Variants in CAB39L observed in about 807,000 individuals in gnomAD.
CAB39L encodes calcium-binding protein 39-like.
Under a neutral mutation model 39.1 loss-of-function variants are expected in CAB39L, and 23 were observed. That is an observed-to-expected ratio of 0.59 (90% CI 0.42 to 0.83). The LOEUF is 0.83. Ranked by LOEUF, CAB39L falls within the 40% of genes least tolerant of loss-of-function variation. CAB39L has a pLI of 0.00. For synonymous variants in CAB39L, 126 were observed against 137.2 expected (o/e 0.92, Z 0.57); for missense variants, 366 against 391.9 (o/e 0.93, Z 0.56).
intron 5 of CAB39L, among the ~76,000 whole-genome samples, chr13:49,366,217 T>C (rs1455170115): frequency 2.6e-5 from 4 of 151,656 alleles, no homozygotes; most frequent in Admixed American, 2.0e-4. Context: ...CAAAAAACAA[T>C]AGAAACAATG....
intron 5 of CAB39L, among the ~76,000 whole-genome samples, chr13:49,364,990 C>A (rs1955735645): frequency 6.6e-6 from 1 of 152,046 alleles, no homozygotes; most frequent in South Asian, 2.1e-4. Context: ...ATAGCCAAAA[C>A]CATCATGAGC....
intron 10 of CAB39L, among the ~76,000 whole-genome samples, chr13:49,320,303 C>T (rs1954305098): frequency 6.6e-6 from 1 of 152,176 alleles, no homozygotes. Context: ...AAACCACCCC[C>T]AAACAAATGA....
At chr13:49,331,835 G>T in intron 10 of CAB39L, 112 bp downstream of exon 10, 1 of 956,652 alleles carries the variant, frequency 1.0e-6, no homozygotes, top group Non-Finnish European at 1.6e-6. Context: ...CACAAAGACT[G>T]CCTATTTCAT....
intron 3 of CAB39L, among the ~76,000 whole-genome samples, chr13:49,412,290 C>T (rs955536608): frequency 6.6e-6 from 1 of 151,364 alleles, no homozygotes; most frequent in African/African-American, 2.4e-5. Context: ...GTTAATTCTC[C>T]TTGGAAAAAA....
intron 9 of CAB39L, among the ~76,000 whole-genome samples, chr13:49,336,444 C>T (rs546953415): frequency 6.6e-6 from 1 of 152,096 alleles, no homozygotes; most frequent in Middle Eastern, 3.2e-3. Context: ...GAATAGCAGC[C>T]AAATGGTATG....
At chr13:49,408,783 A>T (rs1022412972) in intron 3 of CAB39L, among the ~76,000 whole-genome samples, 1 of 151,954 alleles carries the variant, frequency 6.6e-6, no homozygotes, top group African/African-American at 2.4e-5. Flanking sequence ...GTGAGCTGAG[A>T]TTGCACCACC....
At chr13:49,399,962 T>TA (rs1342272162) in intron 3 of CAB39L, among the ~76,000 whole-genome samples, 7 of 149,076 alleles carry the variant, frequency 4.7e-5, no homozygotes, top group Non-Finnish European at 9.0e-5. Context: ...GTCAACAGTC[T>TA]AAAAAAAAAA....
intron 10 of CAB39L, among the ~76,000 whole-genome samples, chr13:49,331,096 T>C (rs766390560): frequency 6.6e-6 from 1 of 152,146 alleles, no homozygotes; most frequent in Non-Finnish European, 1.5e-5. Flanking sequence ...TAAAATGTAC[T>C]AAACTATTTA....
chr13:49,319,830 T>TAAA (rs61633162), intron 10 of CAB39L, among the ~76,000 whole-genome samples: 5 of 126,234 alleles, frequency 4.0e-5, no homozygotes, highest in African/African-American at 1.2e-4. Flanking sequence ...CTTTCTTTCT[T>TAAA]AAAAAAAAAA....
At chr13:49,328,822 G>T (rs567247174) in intron 10 of CAB39L, among the ~76,000 whole-genome samples, 99 of 152,228 alleles carry the variant, frequency 6.5e-4, no homozygotes, top group African/African-American at 2.2e-3. Flanking sequence ...GCAACATAGT[G>T]AGACCCTGTC....
At chr13:49,398,406 G>A (rs528535701) in intron 3 of CAB39L, among the ~76,000 whole-genome samples, 2 of 151,892 alleles carry the variant, frequency 1.3e-5, no homozygotes, top group South Asian at 4.1e-4. Context: ...GCCACATTAC[G>A]AATATATATG....
rs74074564 is a variant in CAB39L, at chr13:49,325,057, A to G, written c.834+6890T>C. Among the ~76,000 whole-genome samples, 1,056 of 152,350 alleles carry G rather than the reference A, an allele frequency of 6.9e-3. 15 individuals are homozygous for G. The highest frequency in any genetic ancestry group is 0.046 in the East Asian group (241 of 5,186). ...ATTATCAAACAGAGCCGTAAGTAAC[A>G]TATTTATATACTTGTTTGATGATGT... On this transcript the variant is annotated intron_variant, in intron 10 of 10. Transcript: ENST00000409308.
At chr13:49,408,839 C>A (rs966716594) in intron 3 of CAB39L, among the ~76,000 whole-genome samples, 6 of 151,256 alleles carry the variant, frequency 4.0e-5, no homozygotes, top group African/African-American at 1.2e-4. Flanking sequence ...CCCTCCCCCC[C>A]AAAAAAAGGC....
At chr13:49,353,494 T>G (rs1358171888) in intron 6 of CAB39L, among the ~76,000 whole-genome samples, 2 of 152,142 alleles carry the variant, frequency 1.3e-5, no homozygotes, top group Non-Finnish European at 2.9e-5. Flanking sequence ...CCCATCACAT[T>G]CGTTATTTCC....
chr13:49,357,648 T>C (rs1955523864), intron 6 of CAB39L, among the ~76,000 whole-genome samples: 1 of 152,216 alleles, frequency 6.6e-6, no homozygotes, highest in Non-Finnish European at 1.5e-5. Flanking sequence ...ATGGAAATGT[T>C]TTCAAATACG....
intron 5 of CAB39L, among the ~76,000 whole-genome samples, chr13:49,361,234 C>A (rs560735402): frequency 9.7e-4 from 148 of 152,166 alleles, no homozygotes; most frequent in African/African-American, 3.5e-3. Context: ...AATCCCAGCA[C>A]TTTGGGAGGC....
At chr13:49,400,355 TAAGATTATACAAAAA>T (rs1956736079) in intron 3 of CAB39L, among the ~76,000 whole-genome samples, 1 of 151,978 alleles carries the variant, frequency 6.6e-6, no homozygotes, top group Admixed American at 6.6e-5. Flanking sequence ...TCTCCTATTT[TAAGATTATACAAAAA>T]AAGTTTTATT....
At chr13:49,441,221 G>GAATATATATATATATATATATA (rs1957512825) in intron 1 of CAB39L, among the ~76,000 whole-genome samples, 1 of 121,444 alleles carries the variant, frequency 8.2e-6, no homozygotes, top group South Asian at 2.5e-4. Context: ...ATGATTTAGT[G>GAATATATATATATATATATATA]TATATATATA....
rs561629583 is a variant in CAB39L at position 49,310,450 on chromosome 13, A to G, written c.*364T>C. 1 of 184,524 alleles carries G rather than the reference A, an allele frequency of 5.4e-6. No homozygotes were observed. Among genetic ancestry groups the G allele is most frequent in the Non-Finnish European group, 1.1e-5 (1 of 87,944 alleles). 11.4% of individuals were successfully genotyped at this position (184,524 alleles called of 1,614,324 possible). A position where few individuals can be genotyped will look rare whatever the true frequency, so the allele number is the denominator to read the frequency against. On this transcript the variant is annotated 3_prime_UTR_variant, in exon 11 of 11. Transcript: ENST00000409308. ...CAAAGCATTTTTGCACCCTGGCCCC[A>G]TTCCCAGTTCTCCCCTGAGAACTCA... is the stretch of plus-strand genomic sequence containing the variant.
Sources: allele counts gnomAD v4.1 joint callset (sites outside exome capture counted in the v4.1 genomes callset), GRCh38; gene constraint gnomAD v4.1.1; transcripts MANE v1.5; gene names NCBI Gene and HGNC (gene_info 2026-07-23, HGNC 2026-07-21).